FAM110C: variants seen among roughly 807,000 people sequenced by gnomAD.
The protein encoded by FAM110C is family with sequence similarity 110 member C.
Under a neutral mutation model 15.7 loss-of-function variants are expected in FAM110C, and 19 were observed. The observed-to-expected ratio is 1.21, with a 90% CI of 0.85 to 1.78. The LOEUF is 1.78. FAM110C is among the 40% of genes most tolerant of loss of function. FAM110C has a pLI of 0.00. For synonymous variants in FAM110C, 275 were observed against 233.9 expected (o/e 1.18, Z -1.61); for missense variants, 547 against 495.7 (o/e 1.10, Z -0.98).
In FAM110C at chr2:42,092, T is replaced by G. The variant is rs569409649; in HGVS notation, c.947-465A>C. 1.3e-4 allele frequency: 124 copies of G among 985,388 alleles called. 1 individual carries two copies. In the South Asian group the frequency reaches 4.9e-3, roughly 39 times the overall value. The allele number at this position is 985,388 out of a possible 1,614,324, so 61.0% of individuals were successfully genotyped here. A position where few individuals can be genotyped will look rare whatever the true frequency, so the allele number is the denominator to read the frequency against. ...GTCACACGACAGGGAAGAGTGGCCT[T>G]ATGGCTACTCAAGCCACGTGTTTAC... On this transcript the variant is annotated intron_variant, in intron 1 of 1. Coordinates refer to ENST00000327669, the MANE Select transcript of FAM110C (RefSeq NM_001077710.3).
chr2:43,870 AAC>A (rs1664197499), intron 1 of FAM110C: 2 of 985,324 alleles, frequency 2.0e-6, no homozygotes, highest in African/African-American at 1.7e-5. Context: ...TCAGTCATGC[AAC>A]ACAGATTATT....
chr2:45,317 G>A, intron 1 of FAM110C, 123 bp downstream of exon 1: 1 of 1,441,030 alleles, frequency 6.9e-7, no homozygotes, highest in Non-Finnish European at 9.1e-7. Context: ...CTTTCACACT[G>A]TAGCTCAAAA....
At position 45,726 on chromosome 2, in the gene FAM110C, C is replaced by T. The variant is rs754447058; in HGVS notation, c.660G>A (p.Gln220=). ...AALAESDTFF[Q]YCGLDPEVVE... Reference sequence around the variant, plus strand: ...CCACCTCGGGGTCCAGGCCGCAGTACTGGAAGAAGGTGTCAGACTCGGCCA... The same window carrying T: ...CCACCTCGGGGTCCAGGCCGCAGTATTGGAAGAAGGTGTCAGACTCGGCCA... Residue 220 remains glutamine (Q), a synonymous_variant, in exon 1 of 2, where the codon CAG becomes CAA. Coordinates refer to ENST00000327669, the MANE Select transcript of FAM110C (RefSeq NM_001077710.3). 4.4e-6 allele frequency: 7 copies of T among 1,600,474 alleles called. No homozygotes were observed. The South Asian group carries it at 4.5e-5, about 10-fold the overall frequency.
At position 40,277 on chromosome 2, in the gene FAM110C, AG is replaced by A. The variant is rs1215256314; in HGVS notation, c.*1330del. 6.6e-6 allele frequency: 1 copy of A among 152,248 alleles called. No homozygotes were observed. Among genetic ancestry groups the A allele is most frequent in the Non-Finnish European group, 1.5e-5 (1 of 68,044 alleles). 9.4% of individuals were successfully genotyped at this position (152,248 alleles called of 1,614,324 possible). On this transcript the variant is annotated 3_prime_UTR_variant, in exon 2 of 2. Transcript: ENST00000327669. ...CAATGACCTACTCTCACGGTAAAATAGTTACGAAAAAAGAATACAATATTAA... is the reference window on the plus strand; with the variant it reads ...CAATGACCTACTCTCACGGTAAAATATTACGAAAAAAGAATACAATATTAA...
Position 39,094 on chromosome 2 carries a change from C to T in FAM110C, c.*2514G>A, listed in dbSNP as rs1664059462. The T allele has an allele frequency of 6.6e-6, 1 of 152,138 alleles. No individual in the cohort carries two copies. Among genetic ancestry groups the T allele is most frequent in the Admixed American group, 6.5e-5 (1 of 15,276 alleles). 9.4% of individuals were successfully genotyped at this position (152,138 alleles called of 1,614,324 possible). A position where few individuals can be genotyped will look rare whatever the true frequency, so the allele number is the denominator to read the frequency against. On this transcript the variant is annotated 3_prime_UTR_variant, in exon 2 of 2. Transcript: ENST00000327669. ...AATTACATTTTGAAAAATTGTCGTT[C>T]TTTCATGAACAAATAAAAGTACCTT...
intron 1 of FAM110C, chr2:42,740 A>C (rs1664158189): frequency 4.3e-6 from 3 of 700,230 alleles, no homozygotes; most frequent in Non-Finnish European, 5.3e-6. Context: ...ATAAGTTGTA[A>C]ATCTCTATCT....
Position 45,797 on chromosome 2 carries a change from G to A in FAM110C, c.589C>T (p.Leu197=). 6.4e-7 allele frequency: 1 copy of A among 1,553,230 alleles called. No individual in the cohort carries two copies. The highest frequency in any genetic ancestry group is 1.2e-5 in the South Asian group (1 of 84,900). ...PEPRVVRRRG[L]QRSQSDLSSR... ...CTGAGGTCCGACTGTGAGCGCTGCA[G>A]CCCCCGACGCCTCACCACCCGCGGC... The change falls in exon 1 of 2, where the codon CTG becomes TTG. Residue 197 remains leucine, a synonymous_variant. Transcript: ENST00000327669.
chr2:45,374 T>A (rs1483096720), intron 1 of FAM110C, 66 bp downstream of exon 1: 13 of 1,530,044 alleles, frequency 8.5e-6, no homozygotes, highest in Admixed American at 4.1e-5. Context: ...CCCAGCTCGG[T>A]CACACTCACC....
rs779159826 is a variant in FAM110C, at chr2:40,016, C to T, written c.*1592G>A. 2 of 152,152 alleles carry T rather than the reference C, an allele frequency of 1.3e-5. No homozygotes were observed. The highest frequency in any genetic ancestry group is 2.9e-5 in the Non-Finnish European group (2 of 68,038). 9.4% of individuals were successfully genotyped at this position (152,152 alleles called of 1,614,324 possible). A position where few individuals can be genotyped will look rare whatever the true frequency, so the allele number is the denominator to read the frequency against. ...AGAGTCTATATTCGGCCAGCAAAGG[C>T]TCCCTAAATGTGTATCTGAGACTTA... On this transcript the variant is annotated 3_prime_UTR_variant, in exon 2 of 2. Transcript: ENST00000327669.
intron 1 of FAM110C, chr2:42,893 A>T (rs1290608378): frequency 1.0e-6 from 1 of 985,474 alleles, no homozygotes; most frequent in East Asian, 1.1e-4. Context: ...CACAGCTTAA[A>T]TTCCTGCTTC....
Position 46,255 on chromosome 2 carries a change from C to T in FAM110C, c.131G>A (p.Arg44His). The change falls in exon 1 of 2, where the codon CGC becomes CAC. Residue 44 changes from arginine (R) to histidine (H), a missense_variant. Arg to His is a conservative substitution (Grantham distance 29). Coordinates refer to ENST00000327669, the MANE Select transcript of FAM110C (RefSeq NM_001077710.3). Reference sequence around the variant, plus strand: ...CGGCCGACCCCGCACATACTTGGCGCGATCCGCCGCCAGCCTCTCCACTGC... The same window carrying T: ...CGGCCGACCCCGCACATACTTGGCGTGATCCGCCGCCAGCCTCTCCACTGC... ...RSAVERLAAD[R>H]AKYVRGRPGT... 2.1e-6 allele frequency: 3 copies of T among 1,411,776 alleles called. No individual in the cohort carries two copies. The South Asian group carries it at 4.5e-5, about 21-fold the overall frequency. The allele number at this position is 1,411,776 out of a possible 1,614,324, so 87.5% of individuals were successfully genotyped here. A position where few individuals can be genotyped will look rare whatever the true frequency, so the allele number is the denominator to read the frequency against.
At position 45,537 on chromosome 2, in the gene FAM110C, G is replaced by C; in HGVS notation, c.849C>G (p.Thr283=). ...EEELIEQVPS[T]TSVIERNARI... The stretch of plus-strand genomic sequence containing the variant: ...GGGCGTTCCTCTCGATGACCGAAGT[G>C]GTGCTGGGCACCTGCTCTATCAGCT... Residue 283 remains threonine (T), a synonymous_variant, in exon 1 of 2, where the codon ACC becomes ACG. Transcript: ENST00000327669. 1 of 1,614,078 alleles carries C rather than the reference G, an allele frequency of 6.2e-7. No homozygotes were observed. Among genetic ancestry groups the C allele is most frequent in the East Asian group, 2.2e-5 (1 of 44,868 alleles).
chr2:46,219 C>T lies in FAM110C; in HGVS notation c.167G>A (p.Arg56Gln). Residue 56 changes from arginine to glutamine, a missense_variant, in exon 1 of 2, where the codon CGG becomes CAG. By Grantham distance (43) the Arg-to-Gln change is conservative. Coordinates refer to ENST00000327669, the MANE Select transcript of FAM110C (RefSeq NM_001077710.3). ...KYVRGRPGTG[R>Q]GVASEGSGPG... ...GCCGCTGCCCTCGGAAGCGACGCCC[C>T]GGCCAGTCCCCGGCCGACCCCGCAC... The T allele has an allele frequency of 2.9e-6, 4 of 1,385,314 alleles. No individual in the cohort carries two copies. The highest frequency in any genetic ancestry group is 3.7e-6 in the Non-Finnish European group (4 of 1,073,962). 85.8% of individuals were successfully genotyped at this position (1,385,314 alleles called of 1,614,324 possible). A position where few individuals can be genotyped will look rare whatever the true frequency, so the allele number is the denominator to read the frequency against.
intron 1 of FAM110C, chr2:43,698 G>A: frequency 1.0e-6 from 1 of 985,310 alleles, no homozygotes; most frequent in Non-Finnish European, 1.2e-6. Context: ...TTTTACTTTG[G>A]TTTCATTTGT....
At chr2:41,728 T>A in intron 1 of FAM110C, 101 bp from the exon 2 acceptor site, 1 of 1,445,986 alleles carries the variant, frequency 6.9e-7, no homozygotes, top group African/African-American at 1.5e-5. Context: ...GTAGTTTTTG[T>A]TTTCTGACAT....
At chr2:43,923 C>A in intron 1 of FAM110C, 9 of 985,416 alleles carry the variant, frequency 9.1e-6, no homozygotes, top group Non-Finnish European at 1.1e-5. Context: ...AAACCATCCG[C>A]CTATCTCCCT....
In FAM110C at chr2:45,555, T is replaced by C; in HGVS notation, c.831A>G (p.Ile277Met). The change falls in exon 1 of 2, where the codon ATA (isoleucine) becomes ATG (methionine). Residue 277 changes from isoleucine to methionine, a missense_variant. Physicochemically the swap from Ile to Met is conservative, Grantham distance 10. Transcript: ENST00000327669. ...DDEGLQEEEL[I>M]EQVPSTTSVI... ...CCGAAGTGGTGCTGGGCACCTGCTC[T>C]ATCAGCTCCTCCTCCTGCAGCCCCT... 4.3e-6 allele frequency: 7 copies of C among 1,614,004 alleles called. No homozygotes were observed. Among genetic ancestry groups the C allele is most frequent in the Non-Finnish European group, 5.9e-6 (7 of 1,180,004 alleles).
intron 1 of FAM110C, chr2:44,228 ATCT>A: frequency 3.0e-6 from 3 of 985,282 alleles, no homozygotes; most frequent in Non-Finnish European, 3.6e-6. Flanking sequence ...GAAAACACAA[ATCT>A]TCTATAAATT....
intron 1 of FAM110C, chr2:42,999 G>A (rs767620450): frequency 2.7e-5 from 27 of 985,342 alleles, no homozygotes; most frequent in Admixed American, 1.2e-4. Context: ...ACACTCTGTC[G>A]TGGCTTTCCC....
Sources: allele counts gnomAD v4.1 joint callset, GRCh38; gene constraint gnomAD v4.1.1; transcripts MANE v1.5; gene names NCBI Gene and HGNC (gene_info 2026-07-23, HGNC 2026-07-21).